CSMD3: variants seen among roughly 807,000 people sequenced by gnomAD.
CSMD3 encodes CUB and Sushi multiple domains 3.
Under a neutral mutation model 435.2 loss-of-function variants are expected in CSMD3, and 177 were observed. The observed-to-expected ratio is 0.41, with a 90% CI of 0.36 to 0.46. CSMD3 has a LOEUF of 0.46. Among genes scored for constraint, CSMD3 ranks in the 20% least tolerant of loss-of-function variants. The pLI is 0.34. For synonymous variants in CSMD3, 1,656 were observed against 1,520.5 expected, an observed-to-expected ratio of 1.09 and a Z score of -2.07; for missense variants, 4,265 against 4,504.6, an observed-to-expected ratio of 0.95 and a Z score of 1.52.
At chr8:113,218,135 G>T (rs544245026) in intron 3 of CSMD3, among the ~76,000 whole-genome samples, 3 of 148,924 alleles carry the variant, frequency 2.0e-5, no homozygotes, top group Non-Finnish European at 4.5e-5. Context: ...TATTGGGGAC[G>T]ATATAAAGCA....
At chr8:113,317,941 T>G (rs1173763757) in intron 1 of CSMD3, among the ~76,000 whole-genome samples, 2 of 152,214 alleles carry the variant, frequency 1.3e-5, no homozygotes, top group Non-Finnish European at 2.9e-5. Context: ...CTACACAGCA[T>G]ATAGTACGCC....
At chr8:112,923,311 A>T (rs1248609807) in intron 9 of CSMD3, among the ~76,000 whole-genome samples, 1 of 152,116 alleles carries the variant, frequency 6.6e-6, no homozygotes, top group Non-Finnish European at 1.5e-5. Context: ...CTCAGAATAA[A>T]GGATCACCTG....
At chr8:113,279,608 G>A (rs2093597755) in intron 2 of CSMD3, among the ~76,000 whole-genome samples, 1 of 151,584 alleles carries the variant, frequency 6.6e-6, no homozygotes, top group South Asian at 2.1e-4. Flanking sequence ...AGCATGTAGT[G>A]GCATGTTGTG....
chr8:112,861,426 C>T (rs1045906357), intron 10 of CSMD3, among the ~76,000 whole-genome samples: 4 of 151,870 alleles, frequency 2.6e-5, no homozygotes, highest in Admixed American at 2.6e-4. Flanking sequence ...CATAGTCATA[C>T]ACTTTACTTG....
chr8:113,110,033 G>T (rs1003226547), intron 4 of CSMD3, among the ~76,000 whole-genome samples: 1 of 152,154 alleles, frequency 6.6e-6, no homozygotes, highest in African/African-American at 2.4e-5. Context: ...CTTTGAAATT[G>T]TTCTCCTCCC....
rs768108840 is a variant in CSMD3, at chr8:112,289,436, G to A, written c.9077C>T (p.Ser3026Phe). Residue 3026 changes from serine to phenylalanine, a missense_variant, in exon 57 of 71, where the codon TCC becomes TTC. Coordinates refer to ENST00000297405, the MANE Select transcript of CSMD3 (RefSeq NM_198123.2). ...TVHYSCTGKR[S>F]LLGQSSRTCQ... is the part of the protein sequence containing the mutation. ...GGTTCTTGATGACTGGCCTAAAAGG[G>A]AACGCTTTCCTGTGCAGGAATAGTG... 4 of 1,613,366 alleles carry A rather than the reference G, an allele frequency of 2.5e-6. No homozygotes were observed. The highest frequency in any genetic ancestry group is 2.2e-5 in the East Asian group (1 of 44,856).
At chr8:112,730,735 T>G (rs2077057290) in intron 13 of CSMD3, among the ~76,000 whole-genome samples, 1 of 152,078 alleles carries the variant, frequency 6.6e-6, no homozygotes, top group African/African-American at 2.4e-5. Context: ...ATCAATTGTT[T>G]TTTTTGTTTT....
chr8:112,638,684 T>G lies in CSMD3; in HGVS notation c.3526+12A>C. 2 of 1,518,080 alleles carry G rather than the reference T, an allele frequency of 1.3e-6. No individual in the cohort carries two copies. Among genetic ancestry groups the G allele is most frequent in the Non-Finnish European group, 1.8e-6 (2 of 1,093,664 alleles). 94.0% of individuals were successfully genotyped at this position (1,518,080 alleles called of 1,614,324 possible). On this transcript the variant is annotated intron_variant, in intron 21 of 70. Coordinates refer to ENST00000297405, the MANE Select transcript of CSMD3 (RefSeq NM_198123.2). ...GTTACTGAATGAGCCCTTTTGTTTTTTATTTTCTCACCAGAGAATGTTATG... is the reference window on the plus strand; with the variant it reads ...GTTACTGAATGAGCCCTTTTGTTTTGTATTTTCTCACCAGAGAATGTTATG...
intron 1 of CSMD3, among the ~76,000 whole-genome samples, chr8:113,327,509 C>T (rs2093992086): frequency 6.6e-6 from 1 of 152,062 alleles, no homozygotes; most frequent in African/African-American, 2.4e-5. Flanking sequence ...CAACTGCTCC[C>T]ACTCCCCTCT....
intron 3 of CSMD3, among the ~76,000 whole-genome samples, chr8:113,239,687 T>G (rs1400857196): frequency 6.6e-6 from 1 of 152,006 alleles, no homozygotes; most frequent in Non-Finnish European, 1.5e-5. Context: ...GTTTGGAGTT[T>G]CGTGGTAGTA....
chr8:112,773,877 C>T (rs1305738920), intron 13 of CSMD3, among the ~76,000 whole-genome samples: 1 of 151,808 alleles, frequency 6.6e-6, no homozygotes, highest in East Asian at 1.9e-4. Flanking sequence ...AAAATAGTAA[C>T]ATAGGGGAAC....
chr8:113,274,872 CAGGG>C (rs538237366), intron 3 of CSMD3, among the ~76,000 whole-genome samples: 2,332 of 98,678 alleles, frequency 0.024, 66 homozygotes, highest in African/African-American at 0.082. Flanking sequence ...AGGAAGGAAG[CAGGG>C]AGGGAGGGAG....
intron 44 of CSMD3, 149 bp from the exon 45 acceptor site, chr8:112,335,623 A>T: frequency 2.8e-6 from 2 of 715,838 alleles, no homozygotes; most frequent in East Asian, 5.4e-5. Flanking sequence ...TACAAATTAT[A>T]TATTCTATAT....
chr8:112,390,811 G>T, intron 35 of CSMD3, 23 bp from the exon 36 acceptor site: 2 of 1,610,272 alleles, frequency 1.2e-6, no homozygotes, highest in Non-Finnish European at 1.7e-6. Flanking sequence ...CAGTCCAAGA[G>T]AGGGAGTTAA....
At chr8:112,305,277 C>T (rs1821315229) in intron 51 of CSMD3, among the ~76,000 whole-genome samples, 1 of 151,970 alleles carries the variant, frequency 6.6e-6, no homozygotes, top group Non-Finnish European at 1.5e-5. Context: ...GTAGTGATAT[C>T]AACTTTAGCT....
chr8:113,281,562 T>C (rs1284662958), intron 2 of CSMD3, among the ~76,000 whole-genome samples: 1 of 151,822 alleles, frequency 6.6e-6, no homozygotes, highest in African/African-American at 2.4e-5. Flanking sequence ...ATGTGTTAGG[T>C]GAGTCTCCTG....
intron 38 of CSMD3, among the ~76,000 whole-genome samples, chr8:112,378,821 T>C (rs1415068339): frequency 2.0e-5 from 3 of 152,114 alleles, no homozygotes; most frequent in Non-Finnish European, 4.4e-5. Flanking sequence ...CCAACATAAA[T>C]AAATGATAAA....
intron 32 of CSMD3, among the ~76,000 whole-genome samples, chr8:112,466,548 A>G (rs1486115429): frequency 6.6e-6 from 1 of 152,212 alleles, no homozygotes; most frequent in East Asian, 1.9e-4. Flanking sequence ...CCAAGTCAAA[A>G]CTACATTAGC....
chr8:113,275,051 T>C (rs1339992633), intron 3 of CSMD3, among the ~76,000 whole-genome samples: 2 of 152,084 alleles, frequency 1.3e-5, no homozygotes, highest in East Asian at 1.9e-4. Flanking sequence ...TTGAAATGCT[T>C]ATATATAAAG....
Sources: gnomAD v4.1 joint callset for allele counts (sites outside exome capture counted in the v4.1 genomes callset) on GRCh38, gnomAD v4.1.1 for gene constraint, MANE v1.5 for transcripts, NCBI Gene and HGNC (gene_info 2026-07-23, HGNC 2026-07-21) for gene names.